The following TTC28 variants were observed in gnomAD, a reference collection of about 807,000 sequenced individuals.
The protein encoded by TTC28 is tetratricopeptide repeat domain 28.
TTC28 carries 61 observed loss-of-function variants against 198.0 expected under a neutral mutation model. The observed-to-expected ratio is 0.31, with a 90% CI of 0.25 to 0.38. TTC28 has a LOEUF of 0.38. Ranked by LOEUF, TTC28 falls within the 10% of genes least tolerant of loss-of-function variation. The probability of loss-of-function intolerance (pLI) is 1.00; values close to 1 mark genes in which losing one functional copy is unlikely to be tolerated. For missense variants in TTC28, 2,678 were observed against 3,164.0 expected (o/e 0.85, Z 3.69); for synonymous variants, 1,171 against 1,297.8 (o/e 0.90, Z 2.10).
At chr22:28,522,393 C>A (rs1338942656) in intron 2 of TTC28, among the ~76,000 whole-genome samples, 1 of 151,252 alleles carries the variant, frequency 6.6e-6, no homozygotes, top group Admixed American at 6.6e-5. Flanking sequence ...GAGGCTGAGG[C>A]AGGAGAATCT....
chr22:28,384,628 G>A (rs1034039456), intron 2 of TTC28, among the ~76,000 whole-genome samples: 1 of 152,152 alleles, frequency 6.6e-6, no homozygotes, highest in Admixed American at 6.5e-5. Context: ...AGTTAACTGG[G>A]TATCTTCAAT....
At chr22:28,399,493 T>C (rs542107881) in intron 2 of TTC28, among the ~76,000 whole-genome samples, 4 of 152,016 alleles carry the variant, frequency 2.6e-5, no homozygotes, top group Admixed American at 2.0e-4. Context: ...GCTAGTTTTT[T>C]TTCAGTAGAA....
chr22:27,985,325 T>C lies in TTC28; in HGVS notation c.5739A>G (p.Glu1913=). Residue 1913 remains glutamate, a synonymous_variant, in exon 22 of 23, where the codon GAA becomes GAG. Coordinates refer to ENST00000397906, the MANE Select transcript of TTC28 (RefSeq NM_001145418.2). The stretch of plus-strand genomic sequence containing the variant: ...CTTGCTTCCCGGTTTTCAGGATTAC[T>C]TCCTCCTGACCAACTTCACAGAGAT... ...GFDLCEVGQE[E]VILKTGKQAN... 6.4e-7 allele frequency: 1 copy of C among 1,551,426 alleles called. No homozygotes were observed.
chr22:28,003,927 C>T (rs12160232), intron 14 of TTC28, among the ~76,000 whole-genome samples: 5,586 of 152,232 alleles, frequency 0.037, 132 homozygotes, highest in East Asian at 0.051. Context: ...GAGTGGTGTC[C>T]GTCATGTGCC....
chr22:28,675,593 A>T (rs1251213898), intron 1 of TTC28, among the ~76,000 whole-genome samples: 3 of 151,834 alleles, frequency 2.0e-5, no homozygotes, highest in Admixed American at 6.6e-5. Context: ...CTCTACAGAA[A>T]ATACAAAAAT....
chr22:27,981,059 G>C lies in TTC28; in HGVS notation c.*1162C>G, dbSNP rs1181867576. 2 of 152,768 alleles carry C rather than the reference G, an allele frequency of 1.3e-5. No homozygotes were observed. The highest frequency in any genetic ancestry group is 2.9e-5 in the Non-Finnish European group (2 of 68,508). The allele number at this position is 152,768 out of a possible 1,614,324, so 9.5% of individuals were successfully genotyped here. On this transcript the variant is annotated 3_prime_UTR_variant, in exon 23 of 23. Coordinates refer to ENST00000397906, the MANE Select transcript of TTC28 (RefSeq NM_001145418.2). ...CTGGCCAGGGCCAAGGTGAGGGCCTGGGGGCAGCTCACAGAGGCAGGTGCT... is the reference window on the plus strand; with the variant it reads ...CTGGCCAGGGCCAAGGTGAGGGCCTCGGGGCAGCTCACAGAGGCAGGTGCT...
At chr22:28,626,911 C>T (rs1175782614) in intron 2 of TTC28, among the ~76,000 whole-genome samples, 1 of 151,618 alleles carries the variant, frequency 6.6e-6, no homozygotes, top group Non-Finnish European at 1.5e-5. Context: ...TTTTTAAAAG[C>T]CATTTTTGGG....
chr22:28,537,607 A>C (rs1297431905), intron 2 of TTC28, among the ~76,000 whole-genome samples: 1 of 152,188 alleles, frequency 6.6e-6, no homozygotes, highest in African/African-American at 2.4e-5. Context: ...TAAAAGATTG[A>C]TAGATCAAAA....
chr22:28,037,017 A>G (rs1939385557), intron 12 of TTC28, among the ~76,000 whole-genome samples: 1 of 152,226 alleles, frequency 6.6e-6, no homozygotes, highest in South Asian at 2.1e-4. Context: ...AAATTGAGGC[A>G]ATAATTAATA....
Position 28,101,191 on chromosome 22 carries a change from A to G in TTC28, c.3397T>C (p.Leu1133=). Residue 1133 remains leucine (L), a synonymous_variant, in exon 9 of 23, where the codon TTG becomes CTG. Transcript: ENST00000397906. ...CTTACCTGGTGTTGGGCCTCCTCCA[A>G]GTTTCCACTAGCCCAAAGGGAGAGG... ...LGLSLWASGN[L]EEAQHQLYRA... is the part of the protein sequence containing the mutation. 3.2e-6 allele frequency: 5 copies of G among 1,551,330 alleles called. No homozygotes were observed. The highest frequency in any genetic ancestry group is 4.4e-6 in the Non-Finnish European group (5 of 1,146,850).
intron 5 of TTC28, among the ~76,000 whole-genome samples, chr22:28,170,592 G>A (rs910419244): frequency 6.6e-6 from 1 of 152,088 alleles, no homozygotes; most frequent in African/African-American, 2.4e-5. Context: ...TTGCACTCCT[G>A]GGAATATCTC....
intron 2 of TTC28, among the ~76,000 whole-genome samples, chr22:28,523,695 T>A (rs2048951382): frequency 6.6e-6 from 1 of 152,272 alleles, no homozygotes; most frequent in South Asian, 2.1e-4. Flanking sequence ...ATTAAGTTAT[T>A]TTTTCATGCA....
At chr22:28,082,977 T>A (rs1362910739) in intron 12 of TTC28, among the ~76,000 whole-genome samples, 2 of 152,098 alleles carry the variant, frequency 1.3e-5, no homozygotes, top group Admixed American at 6.6e-5. Flanking sequence ...TCTTGGTAGG[T>A]CATTCAAAAT....
chr22:28,587,320 A>C (rs966646968), intron 2 of TTC28, among the ~76,000 whole-genome samples: 15 of 152,200 alleles, frequency 9.9e-5, no homozygotes, highest in Admixed American at 2.6e-4. Flanking sequence ...CAGTGAGCGG[A>C]AATCGTGCCA....
At chr22:28,654,183 G>C (rs1037721859) in intron 1 of TTC28, among the ~76,000 whole-genome samples, 9 of 152,126 alleles carry the variant, frequency 5.9e-5, no homozygotes, top group African/African-American at 2.2e-4. Context: ...AGTGCCCTCA[G>C]TTACTTGTGA....
chr22:28,104,254 A>C (rs1220179227), intron 8 of TTC28, among the ~76,000 whole-genome samples: 1 of 152,148 alleles, frequency 6.6e-6, no homozygotes, highest in African/African-American at 2.4e-5. Flanking sequence ...TGGGTTGGAA[A>C]ACTCGGGCTG....
intron 12 of TTC28, among the ~76,000 whole-genome samples, chr22:28,042,818 A>C (rs1939706194): frequency 6.6e-6 from 1 of 152,204 alleles, no homozygotes; most frequent in African/African-American, 2.4e-5. Flanking sequence ...ACATAGGAGA[A>C]GAACCCAAGA....
chr22:28,357,577 C>T lies in TTC28; in HGVS notation c.382-50934G>A, dbSNP rs150316907. Among the ~76,000 whole-genome samples, 39 of 152,176 alleles carry T rather than the reference C, an allele frequency of 2.6e-4. 1 individual carries two copies. In the East Asian group the frequency reaches 2.9e-3, roughly 11 times the overall value. Reference sequence around the variant, plus strand: ...CCTCCCACCTTGGCCTCCCAAAGTGCTAGGATTACAGGCATGAGCCACCAA... The same window carrying T: ...CCTCCCACCTTGGCCTCCCAAAGTGTTAGGATTACAGGCATGAGCCACCAA... On this transcript the variant is annotated intron_variant, in intron 2 of 22. Transcript: ENST00000397906.
chr22:28,418,334 G>A (rs1333201699), intron 2 of TTC28, among the ~76,000 whole-genome samples: 4 of 152,236 alleles, frequency 2.6e-5, no homozygotes, highest in East Asian at 1.9e-4. Flanking sequence ...CCCCAATGAC[G>A]GCAGTTGAAC....
Sources: allele counts gnomAD v4.1 joint callset (sites outside exome capture counted in the v4.1 genomes callset), GRCh38; gene constraint gnomAD v4.1.1; transcripts MANE v1.5; gene names NCBI Gene and HGNC (gene_info 2026-07-23, HGNC 2026-07-21).